The following N4BP1 variants were observed in gnomAD, a reference collection of about 807,000 sequenced individuals.
The protein encoded by N4BP1 is NEDD4-binding protein 1.
In N4BP1, 21 loss-of-function variants were observed where a neutral mutation model predicts 70.9. The observed-to-expected ratio is 0.30, with a 90% CI of 0.21 to 0.43. The LOEUF (loss-of-function observed/expected upper bound fraction) is 0.43, where lower values mean the gene tolerates loss of function less well. N4BP1 is among the 20% of genes least tolerant of loss of function. N4BP1 has a pLI of 1.00. For missense variants in N4BP1, 936 were observed against 1,069.4 expected (o/e 0.88, Z 1.74); for synonymous variants, 387 against 394.6 (o/e 0.98, Z 0.23).
At chr16:48,602,805 AAATAAAT>A (rs1964523102) in intron 1 of N4BP1, among the ~76,000 whole-genome samples, 1 of 77,560 alleles carries the variant, frequency 1.3e-5, no homozygotes, top group African/African-American at 1.3e-4. Flanking sequence ...AAAAATAAAT[AAATAAAT>A]AAATAAATAA....
rs565032552 is a variant in N4BP1 at position 48,570,790 on chromosome 16, T to C, written c.199-8346A>G. On this transcript the variant is annotated intron_variant, in intron 1 of 6. Transcript: ENST00000262384. ...CTGACAGGGTGGAGTATGCTTACTC[T>C]TTTTTTTAAATTGATATAATATTCA... 2.6e-5 allele frequency among the ~76,000 whole-genome samples: 4 copies of C among 152,180 alleles called. No homozygotes were observed. In the South Asian group the frequency reaches 8.3e-4, roughly 32 times the overall value.
intron 1 of N4BP1, among the ~76,000 whole-genome samples, chr16:48,589,622 A>G (rs1040482219): frequency 2.0e-4 from 30 of 152,138 alleles, no homozygotes; most frequent in African/African-American, 6.8e-4. Context: ...CTGCTTAGCT[A>G]ATTAACAAAA....
At position 48,609,984 on chromosome 16, in the gene N4BP1, C is replaced by G; in HGVS notation, c.-12G>C. The G allele has an allele frequency of 8.4e-7, 1 of 1,192,406 alleles. No homozygotes were observed. Among genetic ancestry groups the G allele is most frequent in the African/African-American group, 1.6e-5 (1 of 62,588 alleles). The allele number at this position is 1,192,406 out of a possible 1,614,324, so 73.9% of individuals were successfully genotyped here. ...GCCCGGGCCGCCATGGCGGGCGCGG[C>G]CTCCCGCGGCGGCGCCGGGGGCCGG... is the stretch of plus-strand genomic sequence containing the variant. On this transcript the variant is annotated 5_prime_UTR_variant, in exon 1 of 7. Transcript: ENST00000262384.
chr16:48,597,922 T>C (rs1964441147), intron 1 of N4BP1, among the ~76,000 whole-genome samples: 1 of 152,214 alleles, frequency 6.6e-6, no homozygotes, highest in African/African-American at 2.4e-5. Context: ...GGATGCAGAA[T>C]GCATGGCTCA....
At chr16:48,582,904 G>T (rs1244834714) in intron 1 of N4BP1, among the ~76,000 whole-genome samples, 1 of 152,062 alleles carries the variant, frequency 6.6e-6, no homozygotes, top group Non-Finnish European at 1.5e-5. Context: ...AGCAACATAG[G>T]GAGACCTCAT....
chr16:48,595,262 G>C (rs1597111926), intron 1 of N4BP1, among the ~76,000 whole-genome samples: 1 of 151,850 alleles, frequency 6.6e-6, no homozygotes, highest in East Asian at 1.9e-4. Flanking sequence ...AGGAGTTCGA[G>C]ACCAGCCTGG....
chr16:48,558,381 C>T (rs570931599), intron 2 of N4BP1, among the ~76,000 whole-genome samples: 1 of 151,394 alleles, frequency 6.6e-6, no homozygotes, highest in Non-Finnish European at 1.5e-5. Context: ...AGAGATGATA[C>T]TGTACTCAGG....
At chr16:48,578,145 G>T (rs1434655531) in intron 1 of N4BP1, 2 of 176,566 alleles carry the variant, frequency 1.1e-5, no homozygotes, top group South Asian at 1.3e-4. Flanking sequence ...GATGGGCAGG[G>T]AGAAGAGATG....
intron 1 of N4BP1, among the ~76,000 whole-genome samples, chr16:48,596,799 C>A (rs1393345599): frequency 6.6e-6 from 1 of 152,168 alleles, no homozygotes; most frequent in Non-Finnish European, 1.5e-5. Flanking sequence ...ACAGGACTAA[C>A]AAATTAGCTA....
At chr16:48,584,938 A>T (rs960037433) in intron 1 of N4BP1, among the ~76,000 whole-genome samples, 63 of 152,026 alleles carry the variant, frequency 4.1e-4, no homozygotes, top group African/African-American at 1.4e-3. Flanking sequence ...ATAAATCTAT[A>T]CTTTTTTCTT....
intron 1 of N4BP1, among the ~76,000 whole-genome samples, chr16:48,596,385 T>C (rs1964415117): frequency 6.6e-6 from 1 of 152,150 alleles, no homozygotes; most frequent in Non-Finnish European, 1.5e-5. Context: ...CAGCCTGGCT[T>C]GCGTGAGTAC....
At chr16:48,565,429 C>A (rs544137758) in intron 1 of N4BP1, among the ~76,000 whole-genome samples, 1 of 152,294 alleles carries the variant, frequency 6.6e-6, no homozygotes, top group African/African-American at 2.4e-5. Context: ...CTTCCTAAGC[C>A]TGTTAATATG....
rs71134556 is a variant in N4BP1 at position 48,552,699 on chromosome 16, G to GAAAAAAA, written c.2020+833_2020+839dup. Among the ~76,000 whole-genome samples, 27 of 18,502 alleles carry GAAAAAAA rather than the reference G, an allele frequency of 1.5e-3. 8 individuals carry two copies. The highest frequency in any genetic ancestry group is 0.038 in the Middle Eastern group (1 of 26). The allele number at this position is 18,502 out of a possible 152,430, so 12.1% of individuals were successfully genotyped here. A position where few individuals can be genotyped will look rare whatever the true frequency, so the allele number is the denominator to read the frequency against. On this transcript the variant is annotated intron_variant, in intron 3 of 6. Transcript: ENST00000262384. ...AGCGACAGAGCGAGACTCCGTCTCA[G>GAAAAAAA]AAAAAAAAAAAAAAAAAAAAAAAAA...
chr16:48,609,832 C>T lies in N4BP1; in HGVS notation c.141G>A (p.Leu47=). Residue 47 remains leucine, a synonymous_variant, in exon 1 of 7, where the codon CTG becomes CTA. Transcript: ENST00000262384. ...AGAGCTGCAGCCAGATGCGCGCGGG[C>T]AGCGGCTCCTCAGCCCCTAGCGCGC... The part of the protein sequence containing the change: ...VLGALGAEEP[L]PARIWLQLCG... The T allele has an allele frequency of 6.7e-7, 1 of 1,487,940 alleles. No homozygotes were observed. The highest frequency in any genetic ancestry group is 1.2e-5 in the South Asian group (1 of 80,010). 92.2% of individuals were successfully genotyped at this position (1,487,940 alleles called of 1,614,324 possible). A position where few individuals can be genotyped will look rare whatever the true frequency, so the allele number is the denominator to read the frequency against.
intron 2 of N4BP1, among the ~76,000 whole-genome samples, chr16:48,554,638 G>C (rs1333064443): frequency 6.6e-6 from 1 of 152,176 alleles, no homozygotes; most frequent in African/African-American, 2.4e-5. Flanking sequence ...TATGTTCACT[G>C]CTTCAATGGT....
At position 48,570,863 on chromosome 16, in the gene N4BP1, C is replaced by T. The variant is rs567665337; in HGVS notation, c.199-8419G>A. On this transcript the variant is annotated intron_variant, in intron 1 of 6. Transcript: ENST00000262384. Reference sequence around the variant, plus strand: ...GAGATAAGAGTCTCACTCTGTCACCCAGCCTGGAGTGCAGTGGCACTGAGT... The same window carrying T: ...GAGATAAGAGTCTCACTCTGTCACCTAGCCTGGAGTGCAGTGGCACTGAGT... Among the ~76,000 whole-genome samples the T allele has an allele frequency of 4.6e-5, 7 of 152,282 alleles. 1 individual carries two copies. In the South Asian group the frequency reaches 1.5e-3, roughly 32 times the overall value.
In N4BP1 at chr16:48,542,754, G is replaced by T; in HGVS notation, c.*150C>A. The T allele has an allele frequency of 3.0e-6, 2 of 666,950 alleles. No individual in the cohort carries two copies. Among genetic ancestry groups the T allele is most frequent in the Non-Finnish European group, 4.6e-6 (2 of 431,920 alleles). 41.3% of individuals were successfully genotyped at this position (666,950 alleles called of 1,614,324 possible). On this transcript the variant is annotated 3_prime_UTR_variant, in exon 7 of 7. Transcript: ENST00000262384. ...GAAAAAAGCTGGTTTTGAAAACCCA[G>T]ATTTATACCCAAAACATTTTTTTTC...
At chr16:48,562,473 A>C (rs371889968) in intron 1 of N4BP1, 29 bp from the exon 2 acceptor site, 1 of 1,542,810 alleles carries the variant, frequency 6.5e-7, no homozygotes, top group Non-Finnish European at 8.7e-7. Context: ...AAATTAGGTC[A>C]ATTTACAAAA....
At chr16:48,553,390 G>T in intron 3 of N4BP1, 149 bp downstream of exon 3, 1 of 610,784 alleles carries the variant, frequency 1.6e-6, no homozygotes, top group Non-Finnish European at 2.4e-6. Context: ...CTCTTCAATT[G>T]ATGTTTTGCT....
Sources: allele counts gnomAD v4.1 joint callset (sites outside exome capture counted in the v4.1 genomes callset), GRCh38; gene constraint gnomAD v4.1.1; transcripts MANE v1.5; gene names NCBI Gene and HGNC (gene_info 2026-07-23, HGNC 2026-07-21).